CCSER1: variants seen among roughly 807,000 people sequenced by gnomAD.
CCSER1 encodes the protein coiled-coil serine rich protein 1.
CCSER1 carries 41 observed loss-of-function variants against 82.0 expected under a neutral mutation model. The ratio of observed to expected loss-of-function variants is 0.50; its 90% confidence interval spans 0.39 to 0.65. The LOEUF (loss-of-function observed/expected upper bound fraction) is 0.65, where lower values mean the gene tolerates loss of function less well. Ranked by LOEUF, CCSER1 falls within the 30% of genes least tolerant of loss-of-function variation. The probability of loss-of-function intolerance (pLI) is 0.00; values close to 1 mark genes in which losing one functional copy is unlikely to be tolerated. For missense variants in CCSER1, 1,119 were observed against 1,064.2 expected (o/e 1.05, Z -0.72); for synonymous variants, 414 against 383.9 (o/e 1.08, Z -0.92).
intron 4 of CCSER1, among the ~76,000 whole-genome samples, chr4:90,411,730 C>G (rs1367132488): frequency 2.6e-5 from 4 of 152,322 alleles, no homozygotes; most frequent in Non-Finnish European, 5.9e-5. Flanking sequence ...GATGCCCTCT[C>G]TCACCACTCC....
At chr4:90,561,204 T>C (rs1778721728) in intron 5 of CCSER1, among the ~76,000 whole-genome samples, 1 of 152,220 alleles carries the variant, frequency 6.6e-6, no homozygotes, top group Non-Finnish European at 1.5e-5. Context: ...GATCCTTTTC[T>C]ATCTCCTGCC....
Position 90,309,251 on chromosome 4 carries a change from A to T in CCSER1, c.967A>T (p.Lys323Ter), listed in dbSNP as rs1457374807. 4 of 1,613,894 alleles carry T rather than the reference A, an allele frequency of 2.5e-6. No homozygotes were observed. The highest frequency in any genetic ancestry group is 3.4e-6 in the Non-Finnish European group (4 of 1,179,848). ...TVPCAIMSPG[K>*]YRLEGQCSTE... ...TCCCTGTGCAATTATGTCTCCTGGG[A>T]AATATAGGTTAGAGGGTCAATGTAG... The change falls in exon 2 of 11, where the codon AAA becomes TAA. Residue 323 changes from lysine to a stop codon, truncating the protein, a stop_gained. Transcript: ENST00000509176. LOFTEE classifies it high-confidence loss of function.
intron 1 of CCSER1, among the ~76,000 whole-genome samples, chr4:90,255,948 C>T (rs1723210220): frequency 6.6e-6 from 1 of 152,248 alleles, no homozygotes; most frequent in South Asian, 2.1e-4. Flanking sequence ...CTTATCTAAG[C>T]TAGCTAGTGA....
intron 10 of CCSER1, among the ~76,000 whole-genome samples, chr4:91,521,008 GT>G (rs5860240): frequency 0.64 from 97,631 of 151,890 alleles, 31,557 homozygotes; most frequent in East Asian, 0.72. Context: ...TTTACATTAG[GT>G]TATTTCTTCT....
chr4:90,933,197 T>A (rs1581135265), intron 9 of CCSER1, among the ~76,000 whole-genome samples: 1 of 34,936 alleles, frequency 2.9e-5, no homozygotes, highest in East Asian at 5.7e-4. Context: ...TTATTTTATT[T>A]TTTTTTTTGA....
At chr4:90,587,625 C>T (rs911837907) in intron 5 of CCSER1, among the ~76,000 whole-genome samples, 3 of 152,162 alleles carry the variant, frequency 2.0e-5, no homozygotes, top group African/African-American at 7.2e-5. Flanking sequence ...TCGTTTAGGA[C>T]ATATAGTTAA....
In CCSER1 at chr4:90,495,707, G is replaced by C. The variant is rs187740382; in HGVS notation, c.1724+27353G>C. Among the ~76,000 whole-genome samples the C allele has an allele frequency of 2.5e-3, 385 of 152,224 alleles. 2 individuals are homozygous for C. Among genetic ancestry groups the C allele is most frequent in the African/African-American group, 9.0e-3 (375 of 41,544 alleles). The stretch of plus-strand genomic sequence containing the variant: ...GTCATTTATTTTTAGTGACAGTTCT[G>C]TGAATTATAGCAGAGATCATCATCT... On this transcript the variant is annotated intron_variant, in intron 5 of 10. Transcript: ENST00000509176.
intron 10 of CCSER1, among the ~76,000 whole-genome samples, chr4:91,497,803 G>A (rs1759004217): frequency 6.6e-6 from 1 of 151,984 alleles, no homozygotes; most frequent in East Asian, 1.9e-4. Flanking sequence ...GGACCAGTAA[G>A]ACTAAATGAA....
chr4:91,511,610 C>A (rs1028742612), intron 10 of CCSER1, among the ~76,000 whole-genome samples: 9 of 152,100 alleles, frequency 5.9e-5, no homozygotes, highest in Non-Finnish European at 1.0e-4. Flanking sequence ...TGAGCTCCAC[C>A]TCCTGTCAGA....
At chr4:91,150,759 T>C (rs1730096322) in intron 10 of CCSER1, among the ~76,000 whole-genome samples, 1 of 152,226 alleles carries the variant, frequency 6.6e-6, no homozygotes. Flanking sequence ...TCTGTTTATA[T>C]GATGGATTAC....
intron 10 of CCSER1, among the ~76,000 whole-genome samples, chr4:91,118,460 A>C (rs1726819781): frequency 1.3e-5 from 2 of 151,872 alleles, no homozygotes; most frequent in African/African-American, 2.4e-5. Flanking sequence ...TTTTCTGTGG[A>C]GACAGGGGCT....
intron 10 of CCSER1, among the ~76,000 whole-genome samples, chr4:91,227,261 C>A (rs1296541106): frequency 1.3e-5 from 2 of 151,378 alleles, no homozygotes; most frequent in Non-Finnish European, 3.0e-5. Context: ...AAAATAGCTA[C>A]AACTTAAAAC....
At chr4:91,222,351 C>T (rs956095534) in intron 10 of CCSER1, among the ~76,000 whole-genome samples, 14 of 151,928 alleles carry the variant, frequency 9.2e-5, no homozygotes, top group Non-Finnish European at 1.8e-4. Flanking sequence ...TCTTAAAATG[C>T]CCCCCTTTTA....
At chr4:91,378,084 G>T (rs1307601591) in intron 10 of CCSER1, among the ~76,000 whole-genome samples, 4 of 152,028 alleles carry the variant, frequency 2.6e-5, no homozygotes, top group Admixed American at 2.0e-4. Flanking sequence ...ATTTCTGAGG[G>T]CTCTGTTCTG....
intron 10 of CCSER1, among the ~76,000 whole-genome samples, chr4:91,464,624 A>G (rs1756752021): frequency 6.6e-6 from 1 of 152,218 alleles, no homozygotes; most frequent in South Asian, 2.1e-4. Context: ...ACATGCAGAG[A>G]CACGCATAGG....
intron 10 of CCSER1, among the ~76,000 whole-genome samples, chr4:91,250,756 A>G (rs545556111): frequency 6.6e-6 from 1 of 151,894 alleles, no homozygotes; most frequent in African/African-American, 2.4e-5. Context: ...CACAATGCAA[A>G]CCTATGTTGG....
intron 1 of CCSER1, among the ~76,000 whole-genome samples, chr4:90,211,750 T>C (rs970450534): frequency 3.3e-5 from 5 of 152,206 alleles, no homozygotes; most frequent in African/African-American, 1.2e-4. Context: ...CAGAAACATG[T>C]TTTAGGAAGT....
intron 5 of CCSER1, among the ~76,000 whole-genome samples, chr4:90,580,667 G>T (rs1360723931): frequency 6.6e-6 from 1 of 152,184 alleles, no homozygotes; most frequent in Non-Finnish European, 1.5e-5. Flanking sequence ...CTGGGAATAT[G>T]CAGGGTCTGA....
At chr4:91,082,591 A>T (rs2148806783) in intron 9 of CCSER1, among the ~76,000 whole-genome samples, 1 of 152,328 alleles carries the variant, frequency 6.6e-6, no homozygotes, top group East Asian at 1.9e-4. Flanking sequence ...GCTTCTGCAC[A>T]GCAAAAGAAA....
Sources: allele counts gnomAD v4.1 joint callset (sites outside exome capture counted in the v4.1 genomes callset), GRCh38; gene constraint gnomAD v4.1.1; transcripts MANE v1.5; gene names NCBI Gene and HGNC (gene_info 2026-07-23, HGNC 2026-07-21).